Variants in NPAP1 observed in about 807,000 individuals in gnomAD.
NPAP1 encodes the protein nuclear pore associated protein 1.
For synonymous variants in NPAP1, 616 were observed against 581.4 expected (o/e 1.06, Z -0.86); for missense variants, 1,483 against 1,454.5 (o/e 1.02, Z -0.32).
chr15:24,677,689 A>G lies in NPAP1; in HGVS notation c.1822A>G (p.Ser608Gly), dbSNP rs2048986567. The G allele has an allele frequency of 1.9e-6, 3 of 1,614,198 alleles. No individual in the cohort carries two copies. Among genetic ancestry groups the G allele is most frequent in the Non-Finnish European group, 8.5e-7 (1 of 1,180,030 alleles). Residue 608 changes from serine (S) to glycine (G), a missense_variant, in exon 1 of 1, where the codon AGT becomes GGT. Coordinates refer to ENST00000329468, the MANE Select transcript of NPAP1 (RefSeq NM_018958.3). ...TCTCCCAAATTCCCAAATACATTGC[A>G]GTGCAGAGCAGAGGCACCCGGGAAA... Reference protein sequence around the residue: ...SSLPNSQIHCSAEQRHPGKTS... With the variant: ...SSLPNSQIHCGAEQRHPGKTS...
In NPAP1 at chr15:24,681,942, C is replaced by T. The variant is rs1045830815; in HGVS notation, c.*2604C>T. 6.0e-6 allele frequency: 1 copy of T among 166,800 alleles called. No individual in the cohort carries two copies. Among genetic ancestry groups the T allele is most frequent in the Non-Finnish European group, 1.5e-5 (1 of 68,086 alleles). 10.3% of individuals were successfully genotyped at this position (166,800 alleles called of 1,614,324 possible). Reference sequence around the variant, plus strand: ...TTCAAATAGAAGAATAGAAGAACCCCCTTTTTTTTTTGAGATGGAGTCTTG... The same window carrying T: ...TTCAAATAGAAGAATAGAAGAACCCTCTTTTTTTTTTGAGATGGAGTCTTG... On this transcript the variant is annotated 3_prime_UTR_variant, in exon 1 of 1. Coordinates refer to ENST00000329468, the MANE Select transcript of NPAP1 (RefSeq NM_018958.3).
rs2049007731 is a variant in NPAP1 at position 24,680,107 on chromosome 15, T to G, written c.*769T>G. On this transcript the variant is annotated 3_prime_UTR_variant, in exon 1 of 1. Transcript: ENST00000329468. ...ACCTCCTGGGTTCAAGCAATTCTCC[T>G]GTCTTAGCCTCCTGAGTAGCTGGGA... is the stretch of plus-strand genomic sequence containing the variant. The G allele has an allele frequency of 6.1e-6, 1 of 163,822 alleles. No homozygotes were observed. Among genetic ancestry groups the G allele is most frequent in the African/African-American group, 2.4e-5 (1 of 41,478 alleles). 10.1% of individuals were successfully genotyped at this position (163,822 alleles called of 1,614,324 possible). A position where few individuals can be genotyped will look rare whatever the true frequency, so the allele number is the denominator to read the frequency against.
chr15:24,679,449 A>G lies in NPAP1; in HGVS notation c.*111A>G. ...TTCATCTTCATGCCAAGCACCTGCC[A>G]TGTACCTCTCCAGAACTCAGGTTGT... is the stretch of plus-strand genomic sequence containing the variant. On this transcript the variant is annotated 3_prime_UTR_variant, in exon 1 of 1. Coordinates refer to ENST00000329468, the MANE Select transcript of NPAP1 (RefSeq NM_018958.3). 5 of 815,256 alleles carry G rather than the reference A, an allele frequency of 6.1e-6. No individual in the cohort carries two copies. In the East Asian group the frequency reaches 1.3e-4, roughly 21 times the overall value. 50.5% of individuals were successfully genotyped at this position (815,256 alleles called of 1,614,324 possible).
In NPAP1 at chr15:24,677,302, G is replaced by A. The variant is rs755835278; in HGVS notation, c.1435G>A (p.Glu479Lys). ...LVPILGDQSNEKGGSYNSVVG... is the reference protein window; with the variant it reads ...LVPILGDQSNKKGGSYNSVVG... ...TCCCATTTTGGGTGATCAGTCTAAT[G>A]AGAAAGGAGGCTCTTATAATTCAGT... The change falls in exon 1 of 1, where the codon GAG (glutamate) becomes AAG (lysine). Residue 479 changes from glutamate (E) to lysine (K), a missense_variant. Transcript: ENST00000329468. 3.1e-6 allele frequency: 5 copies of A among 1,614,098 alleles called. No individual in the cohort carries two copies. The Admixed American group carries it at 8.3e-5, about 27-fold the overall frequency.
At position 24,675,902 on chromosome 15, in the gene NPAP1, G is replaced by A. The variant is rs2141306868; in HGVS notation, c.35G>A (p.Cys12Tyr). 4 of 1,577,418 alleles carry A rather than the reference G, an allele frequency of 2.5e-6. No homozygotes were observed. The highest frequency in any genetic ancestry group is 3.4e-6 in the Non-Finnish European group (4 of 1,165,556). The change falls in exon 1 of 1, where the codon TGC becomes TAC. Residue 12 changes from cysteine (C) to tyrosine (Y), a missense_variant. Physicochemically the swap from Cys to Tyr is radical, Grantham distance 194 (BLOSUM62 -2). Coordinates refer to ENST00000329468, the MANE Select transcript of NPAP1 (RefSeq NM_018958.3). ...TTACTTAGTAAATTTAGACCCGGGT[G>A]CCGCCGCCGGCCCCTGCCAGGGCCA... is the stretch of plus-strand genomic sequence containing the variant. ...GNLLSKFRPGCRRRPLPGPGR... is the reference protein window; with the variant it reads ...GNLLSKFRPGYRRRPLPGPGR...
At position 24,678,377 on chromosome 15, in the gene NPAP1, A is replaced by G. The variant is rs1393797547; in HGVS notation, c.2510A>G (p.Gln837Arg). The change falls in exon 1 of 1, where the codon CAG becomes CGG. Residue 837 changes from glutamine (Q) to arginine (R), a missense_variant. Gln to Arg is a conservative substitution (Grantham distance 43). Coordinates refer to ENST00000329468, the MANE Select transcript of NPAP1 (RefSeq NM_018958.3). ...TTPPSKTVIL[Q>R]STFVSRKEEY... is the part of the protein sequence containing the mutation. The stretch of plus-strand genomic sequence containing the variant: ...CCTCCTTCCAAAACTGTCATCTTGC[A>G]GTCTACCTTTGTCTCCAGGAAGGAG... 1.9e-6 allele frequency: 3 copies of G among 1,613,780 alleles called. No homozygotes were observed. The highest frequency in any genetic ancestry group is 2.5e-6 in the Non-Finnish European group (3 of 1,180,000).
chr15:24,676,419 A>T lies in NPAP1; in HGVS notation c.552A>T (p.Glu184Asp), dbSNP rs2141307974. The change falls in exon 1 of 1, where the codon GAA becomes GAT. Residue 184 changes from glutamate to aspartate, a missense_variant. Coordinates refer to ENST00000329468, the MANE Select transcript of NPAP1 (RefSeq NM_018958.3). The stretch of plus-strand genomic sequence containing the variant: ...AAAGGACCCCCCTTAGCAGCGGAGA[A>T]GCATCGTCCACATCCAGGTCCCAGG... ...DEKRTPLSSG[E>D]ASSTSRSQGT... 1 of 1,605,996 alleles carries T rather than the reference A, an allele frequency of 6.2e-7. No homozygotes were observed. Among genetic ancestry groups the T allele is most frequent in the Non-Finnish European group, 8.5e-7 (1 of 1,176,798 alleles).
In NPAP1 at chr15:24,682,969, G is replaced by A. The variant is rs1358739471; in HGVS notation, c.*3631G>A. 1.2e-5 allele frequency: 2 copies of A among 166,912 alleles called. No homozygotes were observed. Among genetic ancestry groups the A allele is most frequent in the African/African-American group, 4.8e-5 (2 of 41,424 alleles). 10.3% of individuals were successfully genotyped at this position (166,912 alleles called of 1,614,324 possible). A position where few individuals can be genotyped will look rare whatever the true frequency, so the allele number is the denominator to read the frequency against. ...AGAAGCAAAATGTATTCACAGACCT[G>A]TACTAACATTCTTAAATATCTGCTA... On this transcript the variant is annotated 3_prime_UTR_variant, in exon 1 of 1. Transcript: ENST00000329468.
chr15:24,682,279 C>T lies in NPAP1; in HGVS notation c.*2941C>T, dbSNP rs906577465. On this transcript the variant is annotated 3_prime_UTR_variant, in exon 1 of 1. Transcript: ENST00000329468. ...ACCTAACTTTTGTAATCAGAACTGCCTTTCAGAAGTAGAGTGGAAATCCAG... is the reference window on the plus strand; with the variant it reads ...ACCTAACTTTTGTAATCAGAACTGCTTTTCAGAAGTAGAGTGGAAATCCAG... The T allele has an allele frequency of 7.8e-5, 13 of 166,986 alleles. No homozygotes were observed. The highest frequency in any genetic ancestry group is 3.1e-4 in the African/African-American group (13 of 41,420). The allele number at this position is 166,986 out of a possible 1,614,324, so 10.3% of individuals were successfully genotyped here. A position where few individuals can be genotyped will look rare whatever the true frequency, so the allele number is the denominator to read the frequency against.
At position 24,675,862 on chromosome 15, in the gene NPAP1, C is replaced by A. The variant is rs1220376095; in HGVS notation, c.-6C>A. On this transcript the variant is annotated 5_prime_UTR_variant, in exon 1 of 1. Transcript: ENST00000329468. ...GTTTTACGGTAGGAGGCACGGCTAG[C>A]TCTAAATGGGCAATTTACTTAGTAA... 6.5e-7 allele frequency: 1 copy of A among 1,543,474 alleles called. No homozygotes were observed. Among genetic ancestry groups the A allele is most frequent in the African/African-American group, 1.4e-5 (1 of 71,148 alleles).
chr15:24,682,490 C>T lies in NPAP1; in HGVS notation c.*3152C>T, dbSNP rs2049023571. On this transcript the variant is annotated 3_prime_UTR_variant, in exon 1 of 1. Transcript: ENST00000329468. ...TTCATGTTTTGATGCACTTACACAA[C>T]TGAAACTATTTCTAAATATTCTTTT... 1.2e-5 allele frequency: 2 copies of T among 166,896 alleles called. No individual in the cohort carries two copies. Among genetic ancestry groups the T allele is most frequent in the African/African-American group, 2.4e-5 (1 of 41,454 alleles). The allele number at this position is 166,896 out of a possible 1,614,324, so 10.3% of individuals were successfully genotyped here. A position where few individuals can be genotyped will look rare whatever the true frequency, so the allele number is the denominator to read the frequency against.
rs560519104 is a variant in NPAP1 at position 24,680,439 on chromosome 15, A to C, written c.*1101A>C. On this transcript the variant is annotated 3_prime_UTR_variant, in exon 1 of 1. Transcript: ENST00000329468. Reference sequence around the variant, plus strand: ...AGCCACCAACTCATTTTTTACTCCTATCAATGGTCTTAAGAAATAAGCACT... The same window carrying C: ...AGCCACCAACTCATTTTTTACTCCTCTCAATGGTCTTAAGAAATAAGCACT... 1 of 167,092 alleles carries C rather than the reference A, an allele frequency of 6.0e-6. No individual in the cohort carries two copies. Among genetic ancestry groups the C allele is most frequent in the African/African-American group, 2.4e-5 (1 of 41,440 alleles). 10.4% of individuals were successfully genotyped at this position (167,092 alleles called of 1,614,324 possible).
chr15:24,676,883 C>A lies in NPAP1; in HGVS notation c.1016C>A (p.Pro339His), dbSNP rs1391993692. Residue 339 changes from proline to histidine, a missense_variant, in exon 1 of 1, where the codon CCC (proline) becomes CAC (histidine). Coordinates refer to ENST00000329468, the MANE Select transcript of NPAP1 (RefSeq NM_018958.3). ...KMSIPLLLPL[P>H]PSLPLLWDRG... ...TCGATTCCATTGCTGCTGCCGCTGC[C>A]CCCTTCACTGCCATTGCTGTGGGAT... 2 of 1,613,548 alleles carry A rather than the reference C, an allele frequency of 1.2e-6. No homozygotes were observed. The highest frequency in any genetic ancestry group is 1.7e-6 in the Non-Finnish European group (2 of 1,180,034).
chr15:24,675,882 T>TA, the NPAP1 span: 1 of 1,566,732 alleles, frequency 6.4e-7, no homozygotes, highest in Non-Finnish European at 8.6e-7. Flanking sequence ...GCAATTTACT[T>TA]AGTAAATTTA....
At position 24,678,581 on chromosome 15, in the gene NPAP1, A is replaced by T. The variant is rs2048994327; in HGVS notation, c.2714A>T (p.Asp905Val). 1.2e-6 allele frequency: 2 copies of T among 1,614,056 alleles called. No individual in the cohort carries two copies. Among genetic ancestry groups the T allele is most frequent in the Non-Finnish European group, 1.7e-6 (2 of 1,180,042 alleles). ...TCTCATTCCACACTTGGGGCCACTG[A>T]TGGGCAGCAGAAGTCTGACAGTTCT... Reference protein sequence around the residue: ...SISHSTLGATDGQQKSDSSFI... With the variant: ...SISHSTLGATVGQQKSDSSFI... Residue 905 changes from aspartate to valine, a missense_variant, in exon 1 of 1, where the codon GAT (aspartate) becomes GTT (valine). Physicochemically the swap from Asp to Val is radical, Grantham distance 152. Coordinates refer to ENST00000329468, the MANE Select transcript of NPAP1 (RefSeq NM_018958.3).
Position 24,675,914 on chromosome 15 carries a change from C to T in NPAP1, c.47C>T (p.Pro16Leu). 2 of 1,582,974 alleles carry T rather than the reference C, an allele frequency of 1.3e-6. No homozygotes were observed. The highest frequency in any genetic ancestry group is 1.7e-6 in the Non-Finnish European group (2 of 1,167,970). ...SKFRPGCRRR[P>L]LPGPGRGAPA... ...TTTAGACCCGGGTGCCGCCGCCGGC[C>T]CCTGCCAGGGCCAGGGCGTGGCGCC... The change falls in exon 1 of 1, where the codon CCC becomes CTC. Residue 16 changes from proline (P) to leucine (L), a missense_variant. By Grantham distance (98) the Pro-to-Leu change is moderately conservative. Transcript: ENST00000329468.
In NPAP1 at chr15:24,676,155, G is replaced by T. The variant is rs774376806; in HGVS notation, c.288G>T (p.Lys96Asn). 6.3e-7 allele frequency: 1 copy of T among 1,577,826 alleles called. No individual in the cohort carries two copies. The part of the protein sequence containing the change: ...PAVGWGLAIR[K>N]TPMLPARNPP... Reference sequence around the variant, plus strand: ...TGGGTTGGGGGCTGGCCATCAGGAAGACACCCATGCTGCCTGCTCGGAACC... The same window carrying T: ...TGGGTTGGGGGCTGGCCATCAGGAATACACCCATGCTGCCTGCTCGGAACC... Residue 96 changes from lysine (K) to asparagine (N), a missense_variant, in exon 1 of 1, where the codon AAG becomes AAT. Physicochemically the swap from Lys to Asn is moderately conservative, Grantham distance 94. Coordinates refer to ENST00000329468, the MANE Select transcript of NPAP1 (RefSeq NM_018958.3).
In NPAP1 at chr15:24,679,693, G is replaced by A. The variant is rs117968372; in HGVS notation, c.*355G>A. 0.012 allele frequency: 3,107 copies of A among 255,350 alleles called. 25 individuals carry two copies. Among genetic ancestry groups the A allele is most frequent in the Non-Finnish European group, 0.018 (2,241 of 122,974 alleles). The allele number at this position is 255,350 out of a possible 1,614,324, so 15.8% of individuals were successfully genotyped here. A position where few individuals can be genotyped will look rare whatever the true frequency, so the allele number is the denominator to read the frequency against. The stretch of plus-strand genomic sequence containing the variant: ...GAGTGTCAACATTCATTTGATAGAA[G>A]GCCCTCATGTGCCCATGTATCAGCA... On this transcript the variant is annotated 3_prime_UTR_variant, in exon 1 of 1. Transcript: ENST00000329468.
chr15:24,675,993 C>G lies in NPAP1; in HGVS notation c.126C>G (p.Pro42=). Residue 42 remains proline, a synonymous_variant, in exon 1 of 1, where the codon CCC becomes CCG. Transcript: ENST00000329468. ...ASPPGRAHSV[P]TPRPFRGLFR... is the part of the protein sequence containing the mutation. The stretch of plus-strand genomic sequence containing the variant: ...CGCCCGGTCGGGCTCACTCTGTACC[C>G]ACCCCGCGCCCTTTCCGCGGCCTGT... The G allele has an allele frequency of 1.2e-6, 2 of 1,600,814 alleles. No homozygotes were observed. The highest frequency in any genetic ancestry group is 1.7e-6 in the Non-Finnish European group (2 of 1,174,966).
Sources: gnomAD v4.1 joint callset for allele counts on GRCh38, gnomAD v4.1.1 for gene constraint, MANE v1.5 for transcripts, NCBI Gene and HGNC (gene_info 2026-07-23, HGNC 2026-07-21) for gene names.